GPSM2: variants seen among roughly 807,000 people sequenced by gnomAD.
GPSM2 encodes G protein signaling modulator 2.
GPSM2 carries 58 observed loss-of-function variants against 78.4 expected under a neutral mutation model. The observed-to-expected ratio is 0.74, with a 90% confidence interval of 0.60 to 0.92. The LOEUF is 0.92. Ranked by LOEUF, GPSM2 falls within the 40% of genes least tolerant of loss-of-function variation. The pLI is 0.00. For synonymous variants in GPSM2, 224 were observed against 280.2 expected (o/e 0.80, Z 2.00); for missense variants, 700 against 815.5 (o/e 0.86, Z 1.73).
rs938750205 is a variant in GPSM2, at chr1:108,877,016, C to G, written c.-461C>G. On this transcript the variant is annotated 5_prime_UTR_variant, in exon 1 of 15. Coordinates refer to ENST00000264126, the MANE Select transcript of GPSM2 (RefSeq NM_013296.5). ...GAGGGCGGTGTTGAGACCGGCGGAG[C>G]GGCGGGACCCCTAGGTGGCGGAGGG... 2 of 152,318 alleles carry G rather than the reference C, an allele frequency of 1.3e-5. No homozygotes were observed. The highest frequency in any genetic ancestry group is 2.9e-5 in the Non-Finnish European group (2 of 68,136). The allele number at this position is 152,318 out of a possible 1,614,324, so 9.4% of individuals were successfully genotyped here. A position where few individuals can be genotyped will look rare whatever the true frequency, so the allele number is the denominator to read the frequency against.
intron 2 of GPSM2, among the ~76,000 whole-genome samples, chr1:108,891,252 T>A (rs1365135088): frequency 6.6e-6 from 1 of 152,216 alleles, no homozygotes; most frequent in Non-Finnish European, 1.5e-5. Context: ...GATTCTTGCA[T>A]GTAAGTTGTG....
At chr1:108,905,604 A>T (rs774482356) in intron 10 of GPSM2, among the ~76,000 whole-genome samples, 1 of 151,638 alleles carries the variant, frequency 6.6e-6, no homozygotes, top group East Asian at 1.9e-4. Context: ...CCTCTTCTTC[A>T]TCTTTCCTCT....
chr1:108,898,747 A>G lies in GPSM2; in HGVS notation c.663A>G (p.Ala221=). The part of the protein sequence containing the change: ...THYLLGNFRD[A]VIAHEQRLLI... Reference sequence around the variant, plus strand: ...ACCTCCTTGGCAACTTCAGGGATGCAGTTATAGCTCATGAGCAGGTACAGT... The same window carrying G: ...ACCTCCTTGGCAACTTCAGGGATGCGGTTATAGCTCATGAGCAGGTACAGT... The change falls in exon 6 of 15, where the codon GCA becomes GCG. Residue 221 remains alanine, a synonymous_variant. Transcript: ENST00000264126. 6.2e-7 allele frequency: 1 copy of G among 1,614,090 alleles called. No homozygotes were observed. Among genetic ancestry groups the G allele is most frequent in the Non-Finnish European group, 8.5e-7 (1 of 1,179,932 alleles).
chr1:108,931,413 A>G lies in GPSM2; in HGVS notation c.*1473A>G. Reference sequence around the variant, plus strand: ...CTGGGACCTGGAGTAACACTGGATCACAGACTGCAAAGGCCCACGCTTGGA... The same window carrying G: ...CTGGGACCTGGAGTAACACTGGATCGCAGACTGCAAAGGCCCACGCTTGGA... On this transcript the variant is annotated 3_prime_UTR_variant, in exon 15 of 15. Coordinates refer to ENST00000264126, the MANE Select transcript of GPSM2 (RefSeq NM_013296.5). 1 of 1,551,174 alleles carries G rather than the reference A, an allele frequency of 6.4e-7. No homozygotes were observed. The highest frequency in any genetic ancestry group is 8.7e-7 in the Non-Finnish European group (1 of 1,147,122).
At chr1:108,918,904 T>C (rs1002189174) in intron 12 of GPSM2, 115 bp downstream of exon 12, 4 of 711,884 alleles carry the variant, frequency 5.6e-6, no homozygotes, top group Non-Finnish European at 7.4e-6. Context: ...AAAATATCTT[T>C]GTATTCATAT....
intron 1 of GPSM2, among the ~76,000 whole-genome samples, chr1:108,879,764 G>A (rs1255245650): frequency 6.6e-6 from 1 of 152,052 alleles, no homozygotes; most frequent in Non-Finnish European, 1.5e-5. Context: ...GCAGTGAGCC[G>A]AGATCGCGCC....
chr1:108,922,546 T>G lies in GPSM2; in HGVS notation c.1570T>G (p.Ser524Ala). The G allele has an allele frequency of 1.2e-6, 1 of 822,286 alleles. No homozygotes were observed. The highest frequency in any genetic ancestry group is 1.7e-6 in the Non-Finnish European group (1 of 605,360). The allele number at this position is 822,286 out of a possible 1,614,324, so 50.9% of individuals were successfully genotyped here. Reference protein sequence around the residue: ...KNCHTASTTTSSTPPKMMLKT... With the variant: ...KNCHTASTTTASTPPKMMLKT... ...CTGCCATACAGCTTCAACAACAACT[T>G]CTTCCACTCCCCCTAAAATGATGCT... Residue 524 changes from serine to alanine, a missense_variant, in exon 13 of 15, where the codon TCT becomes GCT. By Grantham distance (99) the Ser-to-Ala change is moderately conservative (BLOSUM62 1). Coordinates refer to ENST00000264126, the MANE Select transcript of GPSM2 (RefSeq NM_013296.5).
chr1:108,885,602 G>T, intron 2 of GPSM2, 24 bp downstream of exon 2: 1 of 1,402,918 alleles, frequency 7.1e-7, no homozygotes, highest in South Asian at 1.2e-5. Context: ...TGTCTTAATG[G>T]ATGACTTTTA....
intron 7 of GPSM2, among the ~76,000 whole-genome samples, 169 bp downstream of exon 7, chr1:108,899,163 T>C (rs1310330905): frequency 6.6e-6 from 1 of 152,226 alleles, no homozygotes; most frequent in Non-Finnish European, 1.5e-5. Context: ...GCTGTGAGGA[T>C]TGAATGAAAT....
At chr1:108,927,380 T>A (rs1651185674) in intron 14 of GPSM2, among the ~76,000 whole-genome samples, 2 of 152,338 alleles carry the variant, frequency 1.3e-5, no homozygotes, top group Non-Finnish European at 2.9e-5. Context: ...CACATTTTTT[T>A]ATTTCAGGTT....
intron 11 of GPSM2, among the ~76,000 whole-genome samples, chr1:108,917,611 C>CACACACATATATATATATATATAT (rs1312607573): frequency 2.6e-4 from 6 of 22,722 alleles, no homozygotes; most frequent in Non-Finnish European, 4.7e-4. Flanking sequence ...CACACACACA[C>CACACACATATATATATATATATAT]ATATATATAT....
chr1:108,890,355 T>C (rs1647885099), intron 2 of GPSM2, among the ~76,000 whole-genome samples: 1 of 152,214 alleles, frequency 6.6e-6, no homozygotes, highest in Admixed American at 6.5e-5. Flanking sequence ...TATTGTGCTT[T>C]CTAATATGGT....
At chr1:108,917,991 T>G (rs1280212985) in intron 11 of GPSM2, among the ~76,000 whole-genome samples, 2 of 152,088 alleles carry the variant, frequency 1.3e-5, no homozygotes, top group Non-Finnish European at 2.9e-5. Context: ...CCTTTAGACT[T>G]ACTTGTAAAC....
At chr1:108,924,466 G>C in intron 14 of GPSM2, 4 of 515,456 alleles carry the variant, frequency 7.8e-6, no homozygotes, top group Non-Finnish European at 1.1e-5. Flanking sequence ...TAGAGAGAGA[G>C]TATATGTGTG....
rs9661361 is a variant in GPSM2 at position 108,924,458 on chromosome 1, G to T, written c.1815+244G>T. On this transcript the variant is annotated intron_variant, in intron 14 of 14. Coordinates refer to ENST00000264126, the MANE Select transcript of GPSM2 (RefSeq NM_013296.5). ...ACGTGTGTGTGTGTGTATATATATA[G>T]AGAGAGAGTATATGTGTGTTGTATT... 31,834 of 543,684 alleles carry T rather than the reference G, an allele frequency of 0.059. 1,116 individuals carry two copies. Among genetic ancestry groups the T allele is most frequent in the African/African-American group, 0.1 (5,346 of 52,498 alleles). 33.7% of individuals were successfully genotyped at this position (543,684 alleles called of 1,614,324 possible).
At chr1:108,925,348 G>A (rs1259621780) in intron 14 of GPSM2, among the ~76,000 whole-genome samples, 1 of 152,190 alleles carries the variant, frequency 6.6e-6, no homozygotes, top group Non-Finnish European at 1.5e-5. Flanking sequence ...GGAGCCCAAG[G>A]GAGAAGTAAA....
chr1:108,931,423 A>C lies in GPSM2; in HGVS notation c.*1483A>C. 6.4e-7 allele frequency: 1 copy of C among 1,551,122 alleles called. No individual in the cohort carries two copies. Among genetic ancestry groups the C allele is most frequent in the Non-Finnish European group, 8.7e-7 (1 of 1,147,104 alleles). ...GAGTAACACTGGATCACAGACTGCA[A>C]AGGCCCACGCTTGGAACAAGTTGCC... On this transcript the variant is annotated 3_prime_UTR_variant, in exon 15 of 15. Transcript: ENST00000264126.
Position 108,898,780 on chromosome 1 carries a change from C to G in GPSM2, c.681+15C>G. On this transcript the variant is annotated intron_variant, in intron 6 of 14. Transcript: ENST00000264126. ...CTCATGAGCAGGTACAGTGGAAAGC[C>G]TTGGAGCCAGATCATTTCCTCCATC... 6.2e-7 allele frequency: 1 copy of G among 1,613,754 alleles called. No individual in the cohort carries two copies. The highest frequency in any genetic ancestry group is 8.5e-7 in the Non-Finnish European group (1 of 1,179,706).
At chr1:108,915,674 C>G (rs1460759972) in intron 11 of GPSM2, among the ~76,000 whole-genome samples, 1 of 151,910 alleles carries the variant, frequency 6.6e-6, no homozygotes, top group East Asian at 2.0e-4. Flanking sequence ...TTCCGCCCAC[C>G]TCTGCCTCCC....
Sources: allele counts gnomAD v4.1 joint callset (sites outside exome capture counted in the v4.1 genomes callset), GRCh38; gene constraint gnomAD v4.1.1; transcripts MANE v1.5; gene names NCBI Gene and HGNC (gene_info 2026-07-23, HGNC 2026-07-21).